Variants in VPS41 observed in about 807,000 individuals in gnomAD.
VPS41 encodes the protein VPS41 subunit of HOPS complex.
VPS41 carries 85 observed loss-of-function variants against 130.9 expected under a neutral mutation model. The observed-to-expected ratio is 0.65, with a 90% CI of 0.55 to 0.78. The LOEUF is 0.78. Among genes scored for constraint, VPS41 ranks in the 30% least tolerant of loss-of-function variants. VPS41 has a pLI of 0.00. For synonymous variants in VPS41, 335 were observed against 332.9 expected (o/e 1.01, Z -0.07); for missense variants, 874 against 1,018.7 (o/e 0.86, Z 1.93).
At chr7:38,870,122 G>A (rs558344355) in intron 2 of VPS41, among the ~76,000 whole-genome samples, 11 of 152,252 alleles carry the variant, frequency 7.2e-5, no homozygotes, top group South Asian at 6.2e-4. Context: ...AGCCACTGCC[G>A]GGGGTAGGGA....
intron 4 of VPS41, among the ~76,000 whole-genome samples, chr7:38,834,407 G>A (rs527379575): frequency 6.6e-6 from 1 of 152,262 alleles, no homozygotes; most frequent in East Asian, 1.9e-4. Flanking sequence ...CCTCATTCCT[G>A]ACAAGTATTG....
Position 38,844,207 on chromosome 7 carries a change from G to A in VPS41, c.247-13879C>T, listed in dbSNP as rs868834504. The stretch of plus-strand genomic sequence containing the variant: ...TATCACAGTCTATTGAACTGCAGAC[G>A]ATTCCTTCCCAGTGATTTCAAACTA... On this transcript the variant is annotated intron_variant, in intron 4 of 28. Transcript: ENST00000310301. Among the ~76,000 whole-genome samples the A allele has an allele frequency of 3.9e-5, 6 of 152,320 alleles. No homozygotes were observed. The East Asian group carries it at 5.8e-4, about 15-fold the overall frequency.
intron 15 of VPS41, among the ~76,000 whole-genome samples, chr7:38,766,272 C>A (rs1562578107): frequency 6.6e-6 from 1 of 152,180 alleles, no homozygotes; most frequent in Admixed American, 6.5e-5. Context: ...CCAGTGGGAA[C>A]CCCTCACACA....
intron 2 of VPS41, among the ~76,000 whole-genome samples, chr7:38,878,280 A>G (rs1490906952): frequency 6.6e-6 from 1 of 152,230 alleles, no homozygotes; most frequent in Admixed American, 6.5e-5. Context: ...ACACACAAAA[A>G]AACAGTGAGA....
At chr7:38,743,364 A>G (rs764677959) in intron 24 of VPS41, 38 bp downstream of exon 24, 5 of 1,605,320 alleles carry the variant, frequency 3.1e-6, no homozygotes, top group Non-Finnish European at 4.3e-6. Flanking sequence ...ACACTGAGAG[A>G]AAAAAAAGTT....
At chr7:38,807,106 A>G (rs80337270) in intron 7 of VPS41, among the ~76,000 whole-genome samples, 5,042 of 152,258 alleles carry the variant, frequency 0.033, 293 homozygotes, top group African/African-American at 0.11. Flanking sequence ...CTCCTTCTAG[A>G]TAAGATTTAT....
intron 2 of VPS41, among the ~76,000 whole-genome samples, chr7:38,891,549 A>G (rs530962996): frequency 1.2e-4 from 19 of 152,236 alleles, no homozygotes; most frequent in Non-Finnish European, 1.9e-4. Context: ...AGTTACATAC[A>G]TGGCAGATAC....
At chr7:38,742,169 G>C in intron 24 of VPS41, 48 bp from the exon 25 acceptor site, 1 of 1,513,890 alleles carries the variant, frequency 6.6e-7, no homozygotes, top group Non-Finnish European at 8.9e-7. Flanking sequence ...ACATTATAAT[G>C]CAATTTTATT....
At chr7:38,772,395 T>G (rs1784170065) in intron 13 of VPS41, 127 bp downstream of exon 13, 2 of 606,838 alleles carry the variant, frequency 3.3e-6, no homozygotes, top group East Asian at 6.1e-5. Flanking sequence ...GTTATTAACT[T>G]CCTACATATT....
intron 12 of VPS41, among the ~76,000 whole-genome samples, chr7:38,772,975 C>CT (rs1316586558): frequency 2.0e-4 from 31 of 152,090 alleles, no homozygotes; most frequent in Non-Finnish European, 1.5e-4. Flanking sequence ...CATCAACACT[C>CT]TGACTTCAGC....
At chr7:38,817,741 A>C in intron 7 of VPS41, 76 bp downstream of exon 7, 7 of 1,207,022 alleles carry the variant, frequency 5.8e-6, no homozygotes, top group Non-Finnish European at 7.4e-6. Context: ...ACATAAAAAC[A>C]TTAAGGATAA....
At chr7:38,735,478 TG>T (rs1795744590) in intron 25 of VPS41, among the ~76,000 whole-genome samples, 1 of 148,314 alleles carries the variant, frequency 6.7e-6, no homozygotes. Context: ...ATGAGGTATG[TG>T]TGTGTACATG....
chr7:38,888,942 C>T (rs1013238016), intron 2 of VPS41, among the ~76,000 whole-genome samples: 2 of 149,176 alleles, frequency 1.3e-5, no homozygotes, highest in South Asian at 2.2e-4. Context: ...GAACATCACA[C>T]ACTGGGGCCT....
intron 14 of VPS41, 21 bp downstream of exon 14, chr7:38,771,177 A>C (rs1355448121): frequency 1.3e-6 from 2 of 1,543,774 alleles, no homozygotes; most frequent in Admixed American, 3.4e-5. Context: ...TTATGTTTCA[A>C]ATAACAAATT....
Position 38,726,969 on chromosome 7 carries a change from G to A in VPS41, c.2424C>T (p.Ser808=), listed in dbSNP as rs775333155. The change falls in exon 28 of 29, where the codon AGC becomes AGT. Residue 808 remains serine, a synonymous_variant. Transcript: ENST00000310301. ...TGTGCCGGCAATGGAAGACCACCAC[G>A]CTGAAGGGCTTAGCTGCATCTGGCG... ...ILPSDAAKPF[S]VVVFHCRHMF... 4.5e-5 allele frequency: 71 copies of A among 1,584,784 alleles called. No homozygotes were observed. The highest frequency in any genetic ancestry group is 8.9e-5 in the Admixed American group (5 of 56,332).
intron 9 of VPS41, 125 bp from the exon 10 acceptor site, chr7:38,789,992 T>C: frequency 1.2e-6 from 1 of 854,222 alleles, no homozygotes; most frequent in Non-Finnish European, 1.8e-6. Flanking sequence ...CAATCTACCC[T>C]ATGACTTAAA....
At chr7:38,839,679 C>G (rs575774666) in intron 4 of VPS41, among the ~76,000 whole-genome samples, 3 of 152,080 alleles carry the variant, frequency 2.0e-5, no homozygotes, top group Non-Finnish European at 2.9e-5. Context: ...GATCCTCCCG[C>G]CTCGGCCTCC....
chr7:38,754,810 A>T, intron 20 of VPS41, 58 bp from the exon 21 acceptor site: 2 of 1,589,720 alleles, frequency 1.3e-6, no homozygotes, highest in Non-Finnish European at 1.7e-6. Context: ...ACAGCTACAA[A>T]ATTATCTGAT....
chr7:38,774,295 C>G lies in VPS41; in HGVS notation c.883-51G>C, dbSNP rs773384092. 4 of 1,478,618 alleles carry G rather than the reference C, an allele frequency of 2.7e-6. No individual in the cohort carries two copies. In the East Asian group the frequency reaches 9.3e-5, roughly 35 times the overall value. The allele number at this position is 1,478,618 out of a possible 1,614,324, so 91.6% of individuals were successfully genotyped here. The stretch of plus-strand genomic sequence containing the variant: ...TAATTTAAATTACATTTCTATATAT[C>G]ATACAAATTAATTCTAGTTAGCCAT... On this transcript the variant is annotated intron_variant, in intron 11 of 28. Coordinates refer to ENST00000310301, the MANE Select transcript of VPS41 (RefSeq NM_014396.4).
Sources: allele counts gnomAD v4.1 joint callset (sites outside exome capture counted in the v4.1 genomes callset), GRCh38; gene constraint gnomAD v4.1.1; transcripts MANE v1.5; gene names NCBI Gene and HGNC (gene_info 2026-07-23, HGNC 2026-07-21).